NISCH: variants seen among roughly 807,000 people sequenced by gnomAD.
NISCH encodes I-1 receptor candidate protein.
Under a neutral mutation model 138.4 loss-of-function variants are expected in NISCH, and 55 were observed. The ratio of observed to expected loss-of-function variants is 0.40; its 90% CI spans 0.32 to 0.50. The LOEUF is 0.50. Among genes scored for constraint, NISCH ranks in the 20% least tolerant of loss-of-function variants. The pLI, the probability that NISCH is intolerant of heterozygous loss-of-function variation, is 0.71. For missense variants in NISCH, 1,643 were observed against 2,005.5 expected, an observed-to-expected ratio of 0.82 and a Z score of 3.45; for synonymous variants, 860 against 861.5, an observed-to-expected ratio of 1.00 and a Z score of 0.03.
chr3:52,484,385 C>T, intron 13 of NISCH, 128 bp from the exon 14 acceptor site: 1 of 752,610 alleles, frequency 1.3e-6, no homozygotes, highest in Non-Finnish European at 2.1e-6. Flanking sequence ...ATCCATGTGG[C>T]TGGGTTTTGG....
intron 13 of NISCH, among the ~76,000 whole-genome samples, chr3:52,482,598 A>G (rs530741291): frequency 6.6e-6 from 1 of 152,266 alleles, no homozygotes; most frequent in South Asian, 2.1e-4. Flanking sequence ...AGAGGCACGC[A>G]TTTCCACCTT....
At chr3:52,458,625 C>G in intron 2 of NISCH, 37 bp from the exon 3 acceptor site, 1 of 1,582,340 alleles carries the variant, frequency 6.3e-7, no homozygotes, top group African/African-American at 1.4e-5. Flanking sequence ...CACAGAGCCT[C>G]TTAGTCTGTG....
chr3:52,457,883 C>T lies in NISCH; in HGVS notation c.134C>T (p.Thr45Ile), dbSNP rs757049230. The T allele has an allele frequency of 1.9e-6, 3 of 1,612,074 alleles. No individual in the cohort carries two copies. In the African/African-American group the frequency reaches 4.0e-5, roughly 21 times the overall value. Residue 45 changes from threonine to isoleucine, a missense_variant, in exon 2 of 21, where the codon ACA becomes ATA. By Grantham distance (89) the Thr-to-Ile change is moderately conservative. Coordinates refer to ENST00000345716, the MANE Select transcript of NISCH (RefSeq NM_007184.4). ...GTCACTGATGGCAGCCATGAGTGGA[C>T]AGTAAAGCACCGCTACAGCGACTTC... is the stretch of plus-strand genomic sequence containing the variant. ...IQVTDGSHEW[T>I]VKHRYSDFHD... is the part of the protein sequence containing the mutation.
intron 3 of NISCH, among the ~76,000 whole-genome samples, chr3:52,470,064 A>G (rs1268006728): frequency 6.6e-6 from 1 of 150,992 alleles, no homozygotes; most frequent in Non-Finnish European, 1.5e-5. Context: ...AGCCTGAGTG[A>G]CAGAGCAAGA....
chr3:52,483,742 A>G lies in NISCH; in HGVS notation c.1529-771A>G, dbSNP rs530597499. ...GAATTGTCCCGTGCCCTGTGTATCT[A>G]TGAGTCCTGCAGAGATGACAAATCA... On this transcript the variant is annotated intron_variant, in intron 13 of 20. Transcript: ENST00000345716. Among the ~76,000 whole-genome samples, 39 of 152,346 alleles carry G rather than the reference A, an allele frequency of 2.6e-4. 1 individual carries two copies. The South Asian group carries it at 7.1e-3, about 28-fold the overall frequency.
chr3:52,489,276 A>G (rs1707496268), intron 16 of NISCH, 60 bp from the exon 17 acceptor site: 1 of 1,563,064 alleles, frequency 6.4e-7, no homozygotes, highest in African/African-American at 1.4e-5. Context: ...GAAGCTGCAC[A>G]TGCGATGTGA....
intron 3 of NISCH, among the ~76,000 whole-genome samples, chr3:52,465,896 A>G (rs1229674752): frequency 6.6e-6 from 1 of 152,170 alleles, no homozygotes; most frequent in East Asian, 1.9e-4. Flanking sequence ...AGGGCTGACC[A>G]TGTGCTAGCC....
At position 52,481,817 on chromosome 3, in the gene NISCH, C is replaced by T. The variant is rs986360192; in HGVS notation, c.1528+1522C>T. 8.1e-6 allele frequency: 8 copies of T among 985,484 alleles called. No individual in the cohort carries two copies. The South Asian group carries it at 3.8e-4, about 46-fold the overall frequency. The allele number at this position is 985,484 out of a possible 1,614,324, so 61.0% of individuals were successfully genotyped here. ...CCCCTTGTGCCCTGGGGACACTCTG[C>T]AGAGGGGCACTCTGCAGTCTGTCCC... is the stretch of plus-strand genomic sequence containing the variant. On this transcript the variant is annotated intron_variant, in intron 13 of 20. Transcript: ENST00000345716.
In NISCH at chr3:52,490,718, G is replaced by T; in HGVS notation, c.3627G>T (p.Gln1209His). 6.2e-7 allele frequency: 1 copy of T among 1,614,176 alleles called. No homozygotes were observed. The highest frequency in any genetic ancestry group is 2.2e-5 in the East Asian group (1 of 44,886). Residue 1209 changes from glutamine (Q) to histidine (H), a missense_variant, in exon 19 of 21, where the codon CAG (glutamine) becomes CAT (histidine). By Grantham distance (24) the Gln-to-His change is conservative. Transcript: ENST00000345716. ...FSEPLQDFWH[Q>H]KNTDYNNSPF... Reference sequence around the variant, plus strand: ...TCCATCACACAGATTTCTGGCATCAGAAAAACACCGACTACAACAACAGCC... The same window carrying T: ...TCCATCACACAGATTTCTGGCATCATAAAAACACCGACTACAACAACAGCC...
At position 52,457,859 on chromosome 3, in the gene NISCH, T is replaced by C; in HGVS notation, c.110T>C (p.Val37Ala). 1 of 1,611,818 alleles carries C rather than the reference T, an allele frequency of 6.2e-7. No individual in the cohort carries two copies. Among genetic ancestry groups the C allele is most frequent in the Non-Finnish European group, 8.5e-7 (1 of 1,178,160 alleles). ...VDTYTVYIIQ[V>A]TDGSHEWTVK... ...CCCTTTTAGGTTTACATCATCCAGGTCACTGATGGCAGCCATGAGTGGACA... is the reference window on the plus strand; with the variant it reads ...CCCTTTTAGGTTTACATCATCCAGGCCACTGATGGCAGCCATGAGTGGACA... Residue 37 changes from valine to alanine, a missense_variant, in exon 2 of 21, where the codon GTC becomes GCC. By Grantham distance (64) the Val-to-Ala change is moderately conservative. Coordinates refer to ENST00000345716, the MANE Select transcript of NISCH (RefSeq NM_007184.4).
rs1465854845 is a variant in NISCH, at chr3:52,488,391, G to A, written c.2899G>A (p.Ala967Thr). ...CTGTACCCAGCCTCGGGGCGCCTTT[G>A]CTGATGGCCACGTGCTAGAGCTGCT... Reference protein sequence around the residue: ...RSCTQPRGAFADGHVLELLVG... With the variant: ...RSCTQPRGAFTDGHVLELLVG... The change falls in exon 16 of 21, where the codon GCT becomes ACT. Residue 967 changes from alanine (A) to threonine (T), a missense_variant. By Grantham distance (58) the Ala-to-Thr change is moderately conservative. Coordinates refer to ENST00000345716, the MANE Select transcript of NISCH (RefSeq NM_007184.4). 6.2e-7 allele frequency: 1 copy of A among 1,613,858 alleles called. No individual in the cohort carries two copies. The highest frequency in any genetic ancestry group is 1.3e-5 in the African/African-American group (1 of 75,064).
In NISCH at chr3:52,487,852, G is replaced by T. The variant is rs768739408; in HGVS notation, c.2360G>T (p.Ser787Ile). 4 of 1,612,666 alleles carry T rather than the reference G, an allele frequency of 2.5e-6. No homozygotes were observed. In the South Asian group the frequency reaches 3.3e-5, roughly 13 times the overall value. Residue 787 changes from serine to isoleucine, a missense_variant, in exon 16 of 21, where the codon AGT becomes ATT. Coordinates refer to ENST00000345716, the MANE Select transcript of NISCH (RefSeq NM_007184.4). The surrounding 1 kb of genome is among the most constrained non-coding windows in gnomAD (Gnocchi z 9.1). The part of the protein sequence containing the change: ...ELCLVLKVRH[S>I]ENTLFIISDA... ...TGTCTGGTGCTCAAGGTACGGCACA[G>T]TGAGAACACGCTCTTCATTATCTCG...
rs1316578898 is a variant in NISCH at position 52,472,386 on chromosome 3, G to C, written c.657G>C (p.Leu219=). The C allele has an allele frequency of 1.2e-6, 2 of 1,614,046 alleles. No homozygotes were observed. The highest frequency in any genetic ancestry group is 2.2e-5 in the South Asian group (2 of 91,072). Residue 219 remains leucine, a synonymous_variant, in exon 6 of 21, where the codon CTG becomes CTC. Coordinates refer to ENST00000345716, the MANE Select transcript of NISCH (RefSeq NM_007184.4). ...LPFDLSIFKS[L]HQVEISHCDA... is the part of the protein sequence containing the mutation. The stretch of plus-strand genomic sequence containing the variant: ...TCGACCTATCAATATTCAAGTCCCT[G>C]CATCAGGTGGAGGTAAGGCCCAGCG...
At chr3:52,456,801 T>A (rs1246044310) in intron 1 of NISCH, among the ~76,000 whole-genome samples, 1 of 152,158 alleles carries the variant, frequency 6.6e-6, no homozygotes, top group African/African-American at 2.4e-5. Flanking sequence ...TGGAGGAGGC[T>A]TCAGCTCCAT....
At chr3:52,464,726 T>C (rs528958581) in intron 3 of NISCH, among the ~76,000 whole-genome samples, 1 of 152,266 alleles carries the variant, frequency 6.6e-6, no homozygotes, top group Non-Finnish European at 1.5e-5. Context: ...GGTTTTACCA[T>C]GTTGGCCAGG....
chr3:52,461,770 G>A (rs1217300563), intron 3 of NISCH, among the ~76,000 whole-genome samples: 1 of 151,932 alleles, frequency 6.6e-6, no homozygotes, highest in Admixed American at 6.6e-5. Context: ...GGCTGAGGCA[G>A]GAGAATGGCG....
chr3:52,472,516 G>A (rs1706982548), intron 6 of NISCH, 118 bp downstream of exon 6: 2 of 909,894 alleles, frequency 2.2e-6, no homozygotes, highest in Middle Eastern at 2.9e-4. Flanking sequence ...TTGGCAGTAT[G>A]TGACAGGTTC....
chr3:52,477,524 T>C (rs1277332210), intron 8 of NISCH, 50 bp from the exon 9 acceptor site: 1 of 1,516,046 alleles, frequency 6.6e-7, no homozygotes, highest in Non-Finnish European at 9.2e-7. Context: ...GGGACCGTGT[T>C]TGGGGTCCAG....
Position 52,491,394 on chromosome 3 carries a change from G to A in NISCH, c.3785G>A (p.Ser1262Asn), listed in dbSNP as rs1707559388. 1 of 1,613,234 alleles carries A rather than the reference G, an allele frequency of 6.2e-7. No individual in the cohort carries two copies. The highest frequency in any genetic ancestry group is 1.7e-5 in the Admixed American group (1 of 60,006). Reference protein sequence around the residue: ...MQVVTCLTRDSYLTHCFLQHL... With the variant: ...MQVVTCLTRDNYLTHCFLQHL... ...GTGGTCACGTGCTTGACGCGGGACA[G>A]CTACCTGACGCACTGCTTCCTCCAG... The change falls in exon 20 of 21, where the codon AGC becomes AAC. Residue 1262 changes from serine (S) to asparagine (N), a missense_variant. Physicochemically the swap from Ser to Asn is conservative, Grantham distance 46 (BLOSUM62 1). Transcript: ENST00000345716.
Sources: gnomAD v4.1 joint callset for allele counts (sites outside exome capture counted in the v4.1 genomes callset) on GRCh38, gnomAD v4.1.1 for gene constraint, Gnocchi (gnomAD v3.1) non-coding constraint, MANE v1.5 for transcripts, NCBI Gene and HGNC (gene_info 2026-07-23, HGNC 2026-07-21) for gene names.